ZNF695: variants seen among roughly 807,000 people sequenced by gnomAD.
The protein encoded by ZNF695 is zinc finger protein SBZF3.
In ZNF695, 11 loss-of-function variants were observed where a neutral mutation model predicts 11.2. That is an observed-to-expected ratio of 0.98 (90% CI 0.62 to 1.62). ZNF695 has a LOEUF of 1.62. Ranked by LOEUF, ZNF695 falls within the 40% of genes most tolerant of loss-of-function variation. The pLI, the probability that ZNF695 is intolerant of heterozygous loss-of-function variation, is 0.00. For missense variants in ZNF695, 559 were observed against 590.5 expected, an observed-to-expected ratio of 0.95 and a Z score of 0.55; for synonymous variants, 190 against 201.4, an observed-to-expected ratio of 0.94 and a Z score of 0.48.
Position 247,008,016 on chromosome 1 carries a change from C to G in ZNF695, c.-108G>C, listed in dbSNP as rs1572540646. On this transcript the variant is annotated 5_prime_UTR_variant, in exon 1 of 4. Coordinates refer to ENST00000339986, the MANE Select transcript of ZNF695 (RefSeq NM_020394.5). ...TCACCCGGGACTCTCCGAGAGGCAG[C>G]AGACGGGAACCCAGCACCCCGCCGG... The G allele has an allele frequency of 7.9e-7, 1 of 1,270,974 alleles. No homozygotes were observed. The highest frequency in any genetic ancestry group is 1.0e-6 in the Non-Finnish European group (1 of 969,914). The allele number at this position is 1,270,974 out of a possible 1,614,324, so 78.7% of individuals were successfully genotyped here.
rs1558314241 is a variant in ZNF695 at position 246,985,353 on chromosome 1, T to C, written c.*1614A>G. 1.0e-6 allele frequency: 1 copy of C among 981,692 alleles called. No individual in the cohort carries two copies. Among genetic ancestry groups the C allele is most frequent in the African/African-American group, 1.7e-5 (1 of 57,188 alleles). 60.8% of individuals were successfully genotyped at this position (981,692 alleles called of 1,614,324 possible). A position where few individuals can be genotyped will look rare whatever the true frequency, so the allele number is the denominator to read the frequency against. On this transcript the variant is annotated 3_prime_UTR_variant, in exon 4 of 4. Coordinates refer to ENST00000339986, the MANE Select transcript of ZNF695 (RefSeq NM_020394.5). ...TTATAATCCTATATAGGCTTTATTATAGCCTTAATAATGACACTGTCATTA... is the reference window on the plus strand; with the variant it reads ...TTATAATCCTATATAGGCTTTATTACAGCCTTAATAATGACACTGTCATTA...
intron 1 of ZNF695, among the ~76,000 whole-genome samples, chr1:247,005,688 C>A (rs528744581): frequency 7.2e-4 from 109 of 151,722 alleles, no homozygotes; most frequent in African/African-American, 2.1e-3. Flanking sequence ...ACAAAACAAA[C>A]AAACAAAAAA....
chr1:246,981,035 A>C (rs1668696350), downstream of ZNF695, among the ~76,000 whole-genome samples: 1 of 152,210 alleles, frequency 6.6e-6, no homozygotes, highest in Non-Finnish European at 1.5e-5. Context: ...AATACATAAG[A>C]ACTTAAACTA....
intron 5 of ZNF695, among the ~76,000 whole-genome samples, chr1:246,950,188 T>C (rs1338787300): frequency 6.6e-6 from 1 of 152,192 alleles, no homozygotes; most frequent in Non-Finnish European, 1.5e-5. Context: ...TGCTTTTGCT[T>C]AGTTTCATAA....
At chr1:246,952,238 T>C (rs1667886697) in intron 5 of ZNF695, among the ~76,000 whole-genome samples, 1 of 152,158 alleles carries the variant, frequency 6.6e-6, no homozygotes, top group African/African-American at 2.4e-5. Context: ...CGTGAGCCAC[T>C]GTGTCCAGCC....
intron 4 of ZNF695, among the ~76,000 whole-genome samples, chr1:246,974,148 AC>A (rs113271944): frequency 0.53 from 68,653 of 128,498 alleles, 17,209 homozygotes; most frequent in African/African-American, 0.72. Context: ...GGAATAAAAA[AC>A]AAACAAACAA....
At chr1:247,007,866 C>A (rs754668290) in intron 1 of ZNF695, 40 bp downstream of exon 1, 3 of 1,536,878 alleles carry the variant, frequency 2.0e-6, no homozygotes, top group East Asian at 5.0e-5. Context: ...TTCCAACCAC[C>A]CCCTCTCCCT....
chr1:246,985,496 A>G lies in ZNF695; in HGVS notation c.*1471T>C, dbSNP rs1394850626. ...GAGATACTATTCCACCATGTTACCCACTATTGTATTGTTACCATTTGTTAC... is the reference window on the plus strand; with the variant it reads ...GAGATACTATTCCACCATGTTACCCGCTATTGTATTGTTACCATTTGTTAC... On this transcript the variant is annotated 3_prime_UTR_variant, in exon 4 of 4. Transcript: ENST00000339986. The G allele has an allele frequency of 3.0e-6, 3 of 985,276 alleles. No individual in the cohort carries two copies. Among genetic ancestry groups the G allele is most frequent in the Non-Finnish European group, 3.6e-6 (3 of 829,928 alleles). The allele number at this position is 985,276 out of a possible 1,614,324, so 61.0% of individuals were successfully genotyped here.
intron 5 of ZNF695, among the ~76,000 whole-genome samples, chr1:246,962,842 G>A (rs915445594): frequency 6.6e-6 from 1 of 151,896 alleles, no homozygotes; most frequent in African/African-American, 2.4e-5. Context: ...ACAGGCACCC[G>A]CCACCACGCC....
intron 3 of ZNF695, among the ~76,000 whole-genome samples, chr1:246,997,482 G>T (rs2380133): frequency 2.6e-5 from 4 of 151,226 alleles, no homozygotes; most frequent in African/African-American, 9.7e-5. Context: ...CAGCCTGGGC[G>T]ACAGAGCGAG....
chr1:246,994,434 A>G (rs867248276), intron 3 of ZNF695, among the ~76,000 whole-genome samples: 84 of 151,868 alleles, frequency 5.5e-4, no homozygotes, highest in African/African-American at 1.9e-3. Flanking sequence ...CCAGCTACTC[A>G]GGAGGCTGAG....
At chr1:246,988,604 A>C (rs1668927185) in intron 3 of ZNF695, among the ~76,000 whole-genome samples, 2 of 152,324 alleles carry the variant, frequency 1.3e-5, no homozygotes, top group South Asian at 4.1e-4. Flanking sequence ...TCCAGCAAAA[A>C]TATCCTTCAA....
chr1:246,999,981 T>A lies in ZNF695; in HGVS notation c.97A>T (p.Met33Leu), dbSNP rs371756010. 5.0e-6 allele frequency: 8 copies of A among 1,614,014 alleles called. No individual in the cohort carries two copies. The African/African-American group carries it at 1.1e-4, about 22-fold the overall frequency. Residue 33 changes from methionine to leucine, a missense_variant, in exon 2 of 4, where the codon ATG becomes TTG. Transcript: ENST00000339986. ...PAQRSLYRDVMLENYRNLISL... is the reference protein window; with the variant it reads ...PAQRSLYRDVLLENYRNLISL... ...ATCAGGTTTCTGTAGTTCTCTAACA[T>A]CACATCCCTATACAAACTCCGCTGA...
chr1:246,949,310 G>T (rs1667813306), intron 5 of ZNF695, among the ~76,000 whole-genome samples: 2 of 152,130 alleles, frequency 1.3e-5, no homozygotes, highest in South Asian at 4.2e-4. Context: ...TATCTCTTGG[G>T]CCGGGCCTGG....
chr1:246,945,616 C>A, downstream of ZNF695: 1 of 611,402 alleles, frequency 1.6e-6, no homozygotes, highest in Non-Finnish European at 2.9e-6. Flanking sequence ...AAAGAGATAT[C>A]TCAATAAAAA....
chr1:246,965,137 G>C (rs1176074933), intron 5 of ZNF695, among the ~76,000 whole-genome samples: 1 of 152,008 alleles, frequency 6.6e-6, no homozygotes, highest in African/African-American at 2.4e-5. Flanking sequence ...GGAGGCCCAG[G>C]TGGGCAGATC....
intron 5 of ZNF695, chr1:246,966,686 T>A (rs1668299151): frequency 3.2e-5 from 14 of 436,666 alleles, no homozygotes; most frequent in South Asian, 2.1e-4. Flanking sequence ...CCCAAGAGGC[T>A]AAGGTGAGAG....
chr1:246,972,560 C>T (rs1668453385), intron 4 of ZNF695, among the ~76,000 whole-genome samples: 1 of 152,176 alleles, frequency 6.6e-6, no homozygotes, highest in African/African-American at 2.4e-5. Context: ...CTCATTCTGT[C>T]GCCCAGGCTG....
chr1:246,951,197 T>C (rs1667862477), intron 5 of ZNF695, among the ~76,000 whole-genome samples: 1 of 152,270 alleles, frequency 6.6e-6, no homozygotes, highest in East Asian at 1.9e-4. Context: ...TCTTGGTCTC[T>C]GTTATGCGCT....
Sources: gnomAD v4.1 joint callset for allele counts (sites outside exome capture counted in the v4.1 genomes callset) on GRCh38, gnomAD v4.1.1 for gene constraint, MANE v1.5 for transcripts, NCBI Gene and HGNC (gene_info 2026-07-23, HGNC 2026-07-21) for gene names.